The following ABCB11 variants were observed in gnomAD, a reference collection of about 807,000 sequenced individuals.
ABCB11 encodes bile salt export pump.
In ABCB11, 95 loss-of-function variants were observed where a neutral mutation model predicts 148.0. The ratio of observed to expected loss-of-function variants is 0.64; its 90% CI spans 0.54 to 0.76. The LOEUF is 0.76. ABCB11 is among the 30% of genes least tolerant of loss of function. ABCB11 has a pLI of 0.00. For missense variants in ABCB11, 1,523 were observed against 1,617.8 expected (o/e 0.94, Z 1.01); for synonymous variants, 591 against 555.4 (o/e 1.06, Z -0.90).
chr2:168,923,720 C>T lies in ABCB11; in HGVS notation c.3868G>A (p.Ala1290Thr), dbSNP rs1559173365. Residue 1290 changes from alanine to threonine, a missense_variant, in exon 28 of 28, where the codon GCA (alanine) becomes ACA (threonine). Coordinates refer to ENST00000650372, the MANE Select transcript of ABCB11 (RefSeq NM_003742.4). ...IQNADIIAVM[A>T]QGVVIEKGTH... ...CCCTTTTCAATCACCACCCCCTGTG[C>T]CATGACAGCAATGATATCCGCGTTC... is the stretch of plus-strand genomic sequence containing the variant. 5 of 1,613,816 alleles carry T rather than the reference C, an allele frequency of 3.1e-6. No individual in the cohort carries two copies. The highest frequency in any genetic ancestry group is 4.2e-6 in the Non-Finnish European group (5 of 1,179,862).
chr2:168,934,471 G>A (rs1691727106), intron 23 of ABCB11, among the ~76,000 whole-genome samples: 3 of 152,144 alleles, frequency 2.0e-5, no homozygotes, highest in Admixed American at 2.0e-4. Flanking sequence ...CTGGAAATGT[G>A]AGAAATTGGA....
intron 19 of ABCB11, among the ~76,000 whole-genome samples, chr2:168,954,584 A>G (rs1692710022): frequency 6.6e-6 from 1 of 151,602 alleles, no homozygotes; most frequent in Non-Finnish European, 1.5e-5. Flanking sequence ...TTCTGCTGAA[A>G]AGTCTGCTAT....
At chr2:168,968,038 T>C (rs904794629) in intron 17 of ABCB11, among the ~76,000 whole-genome samples, 1 of 151,874 alleles carries the variant, frequency 6.6e-6, no homozygotes, top group African/African-American at 2.4e-5. Context: ...CTCAGTAGAT[T>C]AAAGAGTGGA....
chr2:169,020,746 T>C (rs1165312131), intron 1 of ABCB11, among the ~76,000 whole-genome samples: 1 of 152,014 alleles, frequency 6.6e-6, no homozygotes, highest in Non-Finnish European at 1.5e-5. Context: ...GGGAGGGGAA[T>C]GAGGAGTGAC....
chr2:168,996,760 A>T (rs1328899298), intron 5 of ABCB11, 38 bp from the exon 6 acceptor site: 2 of 1,350,888 alleles, frequency 1.5e-6, no homozygotes, highest in African/African-American at 3.0e-5. Context: ...ACTTGCAAGT[A>T]GGATCAAGCC....
intron 5 of ABCB11, among the ~76,000 whole-genome samples, chr2:169,009,367 G>A (rs1695112541): frequency 6.6e-6 from 1 of 151,842 alleles, no homozygotes. Flanking sequence ...AGAAAATGTG[G>A]CACATATACA....
intron 18 of ABCB11, among the ~76,000 whole-genome samples, chr2:168,959,934 C>CA (rs375450217): frequency 0.058 from 4,966 of 85,676 alleles, 55 homozygotes; most frequent in Non-Finnish European, 0.063. Context: ...ACTGCATCTC[C>CA]AAAAAAAAAA....
At chr2:168,968,231 A>AG (rs752298961) in intron 17 of ABCB11, among the ~76,000 whole-genome samples, 196 bp downstream of exon 17, 1 of 151,758 alleles carries the variant, frequency 6.6e-6, no homozygotes, top group Non-Finnish European at 1.5e-5. Context: ...TGAGAAGCTA[A>AG]CCAAAAACCC....
At chr2:168,945,636 G>A (rs1305785980) in intron 19 of ABCB11, among the ~76,000 whole-genome samples, 6 of 145,528 alleles carry the variant, frequency 4.1e-5, no homozygotes, top group African/African-American at 1.5e-4. Flanking sequence ...GAGGGAAGGA[G>A]AGAGGGAGTT....
intron 12 of ABCB11, among the ~76,000 whole-genome samples, chr2:168,974,851 G>A (rs890486085): frequency 7.7e-4 from 117 of 151,170 alleles, no homozygotes; most frequent in African/African-American, 2.7e-3. Context: ...CTTTACATAT[G>A]TTATAACATT....
chr2:169,003,902 A>G (rs1006874079), intron 5 of ABCB11, among the ~76,000 whole-genome samples: 1 of 152,124 alleles, frequency 6.6e-6, no homozygotes, highest in Admixed American at 6.5e-5. Flanking sequence ...TCTTTCCTTC[A>G]TTTATGAAGT....
At chr2:169,013,656 A>G in intron 4 of ABCB11, 146 bp from the exon 5 acceptor site, 7 of 607,754 alleles carry the variant, frequency 1.2e-5, no homozygotes, top group Non-Finnish European at 2.0e-5. Context: ...CAGAGTTCGT[A>G]TACTAATTAT....
Position 169,003,319 on chromosome 2 carries a change from G to GGTGTGTGTGTGTGTGT in ABCB11, c.390-6598_390-6597insACACACACACACACAC, listed in dbSNP as rs751149363. On this transcript the variant is annotated intron_variant, in intron 5 of 27. Transcript: ENST00000650372. ...TTTTTATGGCTGAGTAGTATTCCATGGTGCGTGTGTGTGTGTGTGTGTGTG... is the reference window on the plus strand; with the variant it reads ...TTTTTATGGCTGAGTAGTATTCCATGGTGTGTGTGTGTGTGTGTGCGTGTGTGTGTGTGTGTGTGTG... 1.9e-4 allele frequency among the ~76,000 whole-genome samples: 27 copies of GGTGTGTGTGTGTGTGT among 140,116 alleles called. No individual in the cohort carries two copies. The East Asian group carries it at 3.8e-3, about 20-fold the overall frequency. 91.9% of individuals were successfully genotyped at this position (140,116 alleles called of 152,430 possible).
In ABCB11 at chr2:168,922,804, C is replaced by T. The variant is rs1406061400; in HGVS notation, c.*818G>A. 5 of 152,108 alleles carry T rather than the reference C, an allele frequency of 3.3e-5. No homozygotes were observed. The highest frequency in any genetic ancestry group is 7.2e-5 in the African/African-American group (3 of 41,412). 9.4% of individuals were successfully genotyped at this position (152,108 alleles called of 1,614,324 possible). A position where few individuals can be genotyped will look rare whatever the true frequency, so the allele number is the denominator to read the frequency against. ...TATGAAACTACAGCAAAGTAAAATG[C>T]GCTATTTTCATTTCATGAATATAAT... On this transcript the variant is annotated 3_prime_UTR_variant, in exon 28 of 28. Transcript: ENST00000650372.
chr2:168,978,961 G>T (rs183622096), intron 11 of ABCB11, among the ~76,000 whole-genome samples: 1 of 151,734 alleles, frequency 6.6e-6, no homozygotes, highest in Non-Finnish European at 1.5e-5. Context: ...CTCAGGTGAC[G>T]CGCCCACCTT....
At chr2:169,000,148 A>G (rs970188432) in intron 5 of ABCB11, among the ~76,000 whole-genome samples, 9 of 151,932 alleles carry the variant, frequency 5.9e-5, no homozygotes, top group Admixed American at 3.3e-4. Context: ...TTGAACTGAA[A>G]TTTGCTATTG....
chr2:168,939,364 T>C (rs922127990), intron 21 of ABCB11, among the ~76,000 whole-genome samples: 1 of 152,134 alleles, frequency 6.6e-6, no homozygotes, highest in Admixed American at 6.6e-5. Context: ...TTATTTACTA[T>C]TACTCTCCAA....
At chr2:168,955,196 G>A (rs967786585) in intron 19 of ABCB11, among the ~76,000 whole-genome samples, 1 of 151,410 alleles carries the variant, frequency 6.6e-6, no homozygotes, top group African/African-American at 2.4e-5. Context: ...GATTTCTCTT[G>A]CATTTTACTA....
chr2:168,926,243 G>A (rs540618048), intron 26 of ABCB11, among the ~76,000 whole-genome samples: 7 of 152,212 alleles, frequency 4.6e-5, no homozygotes, highest in East Asian at 3.9e-4. Context: ...TCAATATTGC[G>A]CGAAATCTGG....
Sources: allele counts gnomAD v4.1 joint callset (sites outside exome capture counted in the v4.1 genomes callset), GRCh38; gene constraint gnomAD v4.1.1; transcripts MANE v1.5; gene names NCBI Gene and HGNC (gene_info 2026-07-23, HGNC 2026-07-21).